The following DNAH2 variants were observed in gnomAD, a reference collection of about 807,000 sequenced individuals.
DNAH2 encodes dynein axonemal heavy chain 2.
In DNAH2, 323 loss-of-function variants were observed where a neutral mutation model predicts 523.5. That is an observed-to-expected ratio of 0.62 (90% CI 0.56 to 0.68). The LOEUF (loss-of-function observed/expected upper bound fraction) is 0.68. Ranked by LOEUF, DNAH2 falls within the 30% of genes least tolerant of loss-of-function variation. The pLI, the probability that DNAH2 is intolerant of heterozygous loss-of-function variation, is 0.00. For synonymous variants in DNAH2, 2,093 were observed against 2,177.4 expected (o/e 0.96, Z 1.08); for missense variants, 4,907 against 5,701.5 (o/e 0.86, Z 4.49).
At chr17:7,732,612 C>A (rs1015080795) in intron 4 of DNAH2, among the ~76,000 whole-genome samples, 1 of 152,010 alleles carries the variant, frequency 6.6e-6, no homozygotes, top group Non-Finnish European at 1.5e-5. Flanking sequence ...TGTACGTAAA[C>A]CACAAAAGCC....
rs1419184680 is a variant in DNAH2 at position 7,818,919 on chromosome 17, G to A, written c.10671G>A (p.Arg3557=). 4 of 1,611,688 alleles carry A rather than the reference G, an allele frequency of 2.5e-6. No individual in the cohort carries two copies. The South Asian group carries it at 4.4e-5, about 18-fold the overall frequency. ...CATGTGCCTCTGGGCCTCCCCCTAGGCTGCTGAATGAGGCCACCGGCTCCC... is the reference window on the plus strand; with the variant it reads ...CATGTGCCTCTGGGCCTCCCCCTAGACTGCTGAATGAGGCCACCGGCTCCC... ...KLKELEDEIL[R]LLNEATGSLL... The change falls in exon 71 of 86, where the codon CGG becomes CGA. Residue 3557 remains arginine, a splice_region_variant and synonymous_variant. Transcript: ENST00000572933.
At position 7,801,594 on chromosome 17, in the gene DNAH2, T is replaced by C; in HGVS notation, c.8716T>C (p.Tyr2906His). ...CCTTCCCAGGAACTGGATCCGCCAGTACCCAGCCTTGGTGAACTGCACAAC... is the reference window on the plus strand; with the variant it reads ...CCTTCCCAGGAACTGGATCCGCCAGCACCCAGCCTTGGTGAACTGCACAAC... Reference protein sequence around the residue: ...GDPFRNWIRQYPALVNCTTIN... With the variant: ...GDPFRNWIRQHPALVNCTTIN... The change falls in exon 57 of 86, where the codon TAC becomes CAC. Residue 2906 changes from tyrosine to histidine, a missense_variant. Around this residue, in one of 3 missense-constraint regions of DNAH2, gnomAD observed 1,851 missense variants for 2,139.4 expected, o/e 0.87. Transcript: ENST00000572933. The C allele has an allele frequency of 6.2e-7, 1 of 1,614,188 alleles. No individual in the cohort carries two copies. Among genetic ancestry groups the C allele is most frequent in the South Asian group, 1.1e-5 (1 of 91,074 alleles).
rs950191098 is a variant in DNAH2, at chr17:7,823,557, C to G, written c.11258C>G (p.Ser3753Cys). ...ACCAACTTCCACGGACTCATGAACT[C>G]CTTTGAGCAGTACCCTCGTGACTGG... The part of the protein sequence containing the change: ...KLTNFHGLMN[S>C]FEQYPRDWHL... Residue 3753 changes from serine to cysteine, a missense_variant, in exon 74 of 86, where the codon TCC becomes TGC. This residue lies in a region of DNAH2 where 1,851 missense variants were observed against 2,139.4 expected (regional missense o/e 0.87). Transcript: ENST00000572933. 8.7e-6 allele frequency: 14 copies of G among 1,614,188 alleles called. No individual in the cohort carries two copies. The highest frequency in any genetic ancestry group is 1.2e-5 in the Non-Finnish European group (14 of 1,180,044).
chr17:7,821,750 T>G lies in DNAH2; in HGVS notation c.11142+381T>G, dbSNP rs1453834181. ...CCTCTCTCTGTCGCATCTACCGCTC[T>G]GGCTAGATCCAGCTCCTCTTCCCCT... is the stretch of plus-strand genomic sequence containing the variant. On this transcript the variant is annotated intron_variant, in intron 73 of 85. Transcript: ENST00000572933. The surrounding 1 kb of genome is among the most constrained non-coding windows in gnomAD (Gnocchi z 5.0). 1.3e-5 allele frequency among the ~76,000 whole-genome samples: 2 copies of G among 152,130 alleles called. No homozygotes were observed. The highest frequency in any genetic ancestry group is 2.9e-5 in the Non-Finnish European group (2 of 68,024).
At chr17:7,788,545 G>A (rs1371367903) in intron 44 of DNAH2, among the ~76,000 whole-genome samples, 4 of 152,076 alleles carry the variant, frequency 2.6e-5, no homozygotes, top group Non-Finnish European at 4.4e-5. Flanking sequence ...AGCTCATTCC[G>A]CTCCTCACTT....
At chr17:7,776,222 T>G (rs2076449100) in intron 31 of DNAH2, 73 bp downstream of exon 31, 1 of 1,544,336 alleles carries the variant, frequency 6.5e-7, no homozygotes, top group Admixed American at 1.8e-5. Flanking sequence ...TCCCAGCACT[T>G]TGGGAGGCCG....
At chr17:7,823,162 C>T (rs950220420) in intron 73 of DNAH2, among the ~76,000 whole-genome samples, 3 of 151,806 alleles carry the variant, frequency 2.0e-5, no homozygotes, top group African/African-American at 7.3e-5. Flanking sequence ...GGTGTGGTGG[C>T]GAGCACCTGT....
At chr17:7,792,117 C>T (rs1410855966) in intron 45 of DNAH2, 48 bp downstream of exon 45, 1 of 1,608,312 alleles carries the variant, frequency 6.2e-7, no homozygotes, top group South Asian at 1.1e-5. Context: ...TTCCAGACCC[C>T]CTGGGCATCC....
intron 28 of DNAH2, among the ~76,000 whole-genome samples, chr17:7,773,485 G>T (rs764536853): frequency 4.3e-4 from 66 of 152,168 alleles, no homozygotes; most frequent in Non-Finnish European, 7.9e-4. Context: ...ACCCACTGGG[G>T]ATATGTTCCA....
At chr17:7,744,272 C>G (rs1003378907) in intron 12 of DNAH2, among the ~76,000 whole-genome samples, 5 of 129,212 alleles carry the variant, frequency 3.9e-5, no homozygotes, top group African/African-American at 1.2e-4. Context: ...CCAGCCTGGG[C>G]GACAGAGTGA....
chr17:7,786,568 A>C lies in DNAH2; in HGVS notation c.6349-2A>C. 1 of 1,612,890 alleles carries C rather than the reference A, an allele frequency of 6.2e-7. No homozygotes were observed. The highest frequency in any genetic ancestry group is 8.5e-7 in the Non-Finnish European group (1 of 1,179,226). Reference sequence around the variant, plus strand: ...TAAAACCCCTTCCGGTGTCATTTTCAGGAGTTCCCTTTGAACCCCAAGGCA... The same window carrying C: ...TAAAACCCCTTCCGGTGTCATTTTCCGGAGTTCCCTTTGAACCCCAAGGCA... On this transcript the variant is annotated splice_acceptor_variant, in intron 40 of 85. Coordinates refer to ENST00000572933, the MANE Select transcript of DNAH2 (RefSeq NM_020877.5). LOFTEE classifies it high-confidence loss of function. This position sits in a 1 kb window ranked among gnomAD's most constrained non-coding sequence, Gnocchi z 7.5.
intron 4 of DNAH2, among the ~76,000 whole-genome samples, chr17:7,729,780 A>T (rs2074932296): frequency 6.6e-6 from 1 of 152,184 alleles, no homozygotes; most frequent in Non-Finnish European, 1.5e-5. Context: ...ATGAGCACTA[A>T]CCACCTGTCC....
At chr17:7,723,527 C>T in intron 2 of DNAH2, 101 bp from the exon 3 acceptor site, 2 of 937,958 alleles carry the variant, frequency 2.1e-6, no homozygotes, top group Non-Finnish European at 1.7e-6. Context: ...CCGCCTAGTA[C>T]TCCCAAAGTG....
chr17:7,732,033 A>G (rs902937479), intron 4 of DNAH2, among the ~76,000 whole-genome samples: 8 of 149,426 alleles, frequency 5.4e-5, no homozygotes, highest in African/African-American at 2.0e-4. Context: ...TCGTCTCAAA[A>G]AAAAAAAAAA....
In DNAH2 at chr17:7,760,612, C is replaced by A; in HGVS notation, c.2786-128C>A. The A allele has an allele frequency of 1.2e-6, 1 of 808,242 alleles. No individual in the cohort carries two copies. The highest frequency in any genetic ancestry group is 1.8e-5 in the South Asian group (1 of 54,940). The allele number at this position is 808,242 out of a possible 1,614,324, so 50.1% of individuals were successfully genotyped here. The stretch of plus-strand genomic sequence containing the variant: ...GCCTACTCCTTTACCTTCTAATGTG[C>A]ATGTTTGAGCTGTATTTCTCTGGGA... On this transcript the variant is annotated intron_variant, in intron 17 of 85. Transcript: ENST00000572933. This position sits in a 1 kb window ranked among gnomAD's most constrained non-coding sequence, Gnocchi z 4.0.
chr17:7,762,878 C>T (rs1197256018), intron 18 of DNAH2, among the ~76,000 whole-genome samples: 2 of 148,872 alleles, frequency 1.3e-5, no homozygotes, highest in African/African-American at 5.0e-5. Flanking sequence ...ATGAGGAAAC[C>T]GAGACTCAAA....
At chr17:7,773,078 G>A (rs940651939) in intron 28 of DNAH2, among the ~76,000 whole-genome samples, 4 of 152,110 alleles carry the variant, frequency 2.6e-5, no homozygotes, top group African/African-American at 4.8e-5. Context: ...CCAGCCTCAC[G>A]TTGGTTTTTG....
rs2076921270 is a variant in DNAH2, at chr17:7,792,328, G to A, written c.7130G>A (p.Trp2377Ter). 6.2e-7 allele frequency: 1 copy of A among 1,614,058 alleles called. No homozygotes were observed. Residue 2377 changes from tryptophan to a stop codon, truncating the protein, a stop_gained, in exon 46 of 86, where the codon TGG becomes TAG. Transcript: ENST00000572933. LOFTEE classifies it high-confidence loss of function. ...TTTGAGGACAAGCTCCCTAAGAGTT[G>A]GCGCTACCCTCCAAAGTAAGAGCTG... ...TSFEDKLPKS[W>*]RYPPNAPFYK...
At position 7,833,149 on chromosome 17, in the gene DNAH2, C is replaced by A; in HGVS notation, c.13057C>A (p.Pro4353Thr). 6.2e-7 allele frequency: 1 copy of A among 1,611,184 alleles called. No individual in the cohort carries two copies. Among genetic ancestry groups the A allele is most frequent in the Non-Finnish European group, 8.5e-7 (1 of 1,180,026 alleles). The change falls in exon 85 of 86, where the codon CCC becomes ACC. Residue 4353 changes from proline (P) to threonine (T), a missense_variant. Physicochemically the swap from Pro to Thr is conservative, Grantham distance 38. Coordinates refer to ENST00000572933, the MANE Select transcript of DNAH2 (RefSeq NM_020877.5). The part of the protein sequence containing the change: ...RKNSCLVEAE[P>T]MQLVCLMPTI... ...GAACTCCTGCTTGGTGGAGGCAGAGCCCATGCAGCTTGTCTGCCTCATGCC... is the reference window on the plus strand; with the variant it reads ...GAACTCCTGCTTGGTGGAGGCAGAGACCATGCAGCTTGTCTGCCTCATGCC...
Sources: gnomAD v4.1 joint callset for allele counts (sites outside exome capture counted in the v4.1 genomes callset) on GRCh38, gnomAD v4.1.1 for gene constraint, gnomAD v4.1.1 regional missense constraint, Gnocchi (gnomAD v3.1) non-coding constraint, MANE v1.5 for transcripts, NCBI Gene and HGNC (gene_info 2026-07-23, HGNC 2026-07-21) for gene names.